OTOGL: variants seen among roughly 807,000 people sequenced by gnomAD.
OTOGL encodes otogelin-like protein.
OTOGL carries 285 observed loss-of-function variants against 318.5 expected under a neutral mutation model. The observed-to-expected ratio is 0.89, with a 90% CI of 0.81 to 0.99. OTOGL has a LOEUF of 0.99. OTOGL is among the 50% of genes least tolerant of loss of function. The pLI, the probability that OTOGL is intolerant of heterozygous loss-of-function variation, is 0.00. For synonymous variants in OTOGL, 987 were observed against 936.5 expected (o/e 1.05, Z -0.99); for missense variants, 2,899 against 2,845.6 (o/e 1.02, Z -0.43).
intron 26 of OTOGL, among the ~76,000 whole-genome samples, chr12:80,289,599 A>G (rs372403153): frequency 3.9e-5 from 6 of 152,306 alleles, no homozygotes; most frequent in Admixed American, 6.5e-5. Flanking sequence ...CTGCCCAGTG[A>G]GGAGGAATCC....
At chr12:80,359,285 C>G (rs1419064993) in intron 52 of OTOGL, among the ~76,000 whole-genome samples, 1 of 152,034 alleles carries the variant, frequency 6.6e-6, no homozygotes, top group African/African-American at 2.4e-5. Context: ...CATGGAACAG[C>G]CTGTTTCTTC....
chr12:80,371,376 G>A (rs562891907), intron 56 of OTOGL, among the ~76,000 whole-genome samples: 1 of 151,866 alleles, frequency 6.6e-6, no homozygotes, highest in African/African-American at 2.4e-5. Context: ...CAATGATGAC[G>A]GCTGGCTGGC....
At chr12:80,350,282 A>C (rs892806973) in intron 44 of OTOGL, among the ~76,000 whole-genome samples, 3 of 152,028 alleles carry the variant, frequency 2.0e-5, no homozygotes, top group Non-Finnish European at 4.4e-5. Context: ...ATATTTACCA[A>C]ATTTTCTTTC....
intron 1 of OTOGL, among the ~76,000 whole-genome samples, chr12:80,134,304 G>T (rs1871413571): frequency 6.6e-6 from 1 of 152,144 alleles, no homozygotes; most frequent in Non-Finnish European, 1.5e-5. Flanking sequence ...TGCATCCTTT[G>T]ATGTCTATCT....
At chr12:80,173,345 G>T (rs1874330367) in intron 1 of OTOGL, among the ~76,000 whole-genome samples, 1 of 152,034 alleles carries the variant, frequency 6.6e-6, no homozygotes. Flanking sequence ...CTGGGAAAAG[G>T]GTGGGCAATT....
intron 29 of OTOGL, among the ~76,000 whole-genome samples, chr12:80,309,048 G>T (rs925255408): frequency 1.3e-5 from 2 of 152,052 alleles, no homozygotes; most frequent in Non-Finnish European, 1.5e-5. Context: ...TTAAATATCT[G>T]GAGTAGTCAA....
At chr12:80,122,744 C>T (rs557284062) in intron 1 of OTOGL, among the ~76,000 whole-genome samples, 50 of 152,214 alleles carry the variant, frequency 3.3e-4, no homozygotes, top group African/African-American at 1.2e-3. Context: ...AAACAGTATG[C>T]AAACACTCAA....
chr12:80,210,611 AG>A (rs1345615190), intron 2 of OTOGL, among the ~76,000 whole-genome samples: 2 of 152,116 alleles, frequency 1.3e-5, no homozygotes, highest in Non-Finnish European at 2.9e-5. Flanking sequence ...GTGTCTGTTC[AG>A]TTGCATGGTG....
At chr12:80,362,550 A>G (rs2138055469) in intron 52 of OTOGL, among the ~76,000 whole-genome samples, 1 of 152,330 alleles carries the variant, frequency 6.6e-6, no homozygotes, top group Admixed American at 6.5e-5. Flanking sequence ...GTTGCATTGA[A>G]TCTGTAGAGC....
At chr12:80,147,054 T>A (rs1043239753) in intron 1 of OTOGL, among the ~76,000 whole-genome samples, 3 of 150,946 alleles carry the variant, frequency 2.0e-5, no homozygotes, top group African/African-American at 7.3e-5. Flanking sequence ...CTCTATTTCC[T>A]TCAGTTCTGC....
intron 1 of OTOGL, among the ~76,000 whole-genome samples, chr12:80,148,764 G>T (rs910860203): frequency 1.4e-4 from 21 of 152,090 alleles, no homozygotes; most frequent in South Asian, 1.0e-3. Flanking sequence ...TTTTTATTCT[G>T]TTTTCTCTAA....
chr12:80,150,735 G>A (rs1283638117), intron 1 of OTOGL, among the ~76,000 whole-genome samples: 1 of 152,206 alleles, frequency 6.6e-6, no homozygotes, highest in African/African-American at 2.4e-5. Flanking sequence ...CCAGGAAGAT[G>A]TATCCACCCA....
At chr12:80,116,558 C>T (rs1870179372) in intron 1 of OTOGL, among the ~76,000 whole-genome samples, 1 of 152,118 alleles carries the variant, frequency 6.6e-6, no homozygotes, top group African/African-American at 2.4e-5. Flanking sequence ...ATACAATTTA[C>T]AACCAACCTT....
rs749392232 is a variant in OTOGL, at chr12:80,219,924, G to T, written c.334+12G>T. On this transcript the variant is annotated intron_variant, in intron 6 of 58. Coordinates refer to ENST00000547103, the MANE Select transcript of OTOGL (RefSeq NM_001378609.3). ...AAGATGCCAGATCAGTAAGTTTCAG[G>T]GATGCTTGTGAGATAATTATGAGAT... The T allele has an allele frequency of 2.0e-6, 3 of 1,516,854 alleles. No homozygotes were observed. In the African/African-American group the frequency reaches 4.1e-5, roughly 21 times the overall value. 94.0% of individuals were successfully genotyped at this position (1,516,854 alleles called of 1,614,324 possible).
intron 26 of OTOGL, among the ~76,000 whole-genome samples, chr12:80,291,358 C>A (rs1305121812): frequency 2.6e-5 from 4 of 152,182 alleles, no homozygotes; most frequent in Non-Finnish European, 5.9e-5. Flanking sequence ...GCATAAAATG[C>A]AGCAAGAATA....
rs540358661 is a variant in OTOGL at position 80,291,124 on chromosome 12, G to A, written c.2929-5703G>A. 1.8e-4 allele frequency among the ~76,000 whole-genome samples: 27 copies of A among 152,194 alleles called. No individual in the cohort carries two copies. In the South Asian group the frequency reaches 5.6e-3, roughly 32 times the overall value. ...GTATTTGTCTTAACTCTGAGTCCTG[G>A]CAAGAGGAAACTATAATCTTGTGTT... On this transcript the variant is annotated intron_variant, in intron 26 of 58. Transcript: ENST00000547103.
chr12:80,193,549 G>C (rs1260422253), intron 1 of OTOGL, among the ~76,000 whole-genome samples: 4 of 151,916 alleles, frequency 2.6e-5, no homozygotes, highest in Non-Finnish European at 5.9e-5. Context: ...AATAAGGTTA[G>C]CATATATTAT....
chr12:80,358,438 C>A, intron 50 of OTOGL, 89 bp downstream of exon 50: 1 of 1,112,800 alleles, frequency 9.0e-7, no homozygotes, highest in East Asian at 2.6e-5. Context: ...ACATCAGACC[C>A]TTTTTCAAAG....
intron 1 of OTOGL, among the ~76,000 whole-genome samples, chr12:80,169,541 T>G (rs1028873831): frequency 3.3e-5 from 5 of 152,212 alleles, no homozygotes; most frequent in African/African-American, 1.2e-4. Flanking sequence ...TAAATTTACA[T>G]AGTGTGACAC....
Sources: allele counts gnomAD v4.1 joint callset (sites outside exome capture counted in the v4.1 genomes callset), GRCh38; gene constraint gnomAD v4.1.1; transcripts MANE v1.5; gene names NCBI Gene and HGNC (gene_info 2026-07-23, HGNC 2026-07-21).